Variants in INPPL1 observed in about 807,000 individuals in gnomAD.
INPPL1 encodes inositol polyphosphate phosphatase like 1.
INPPL1 carries 91 observed loss-of-function variants against 139.3 expected under a neutral mutation model. The ratio of observed to expected loss-of-function variants is 0.65; its 90% CI spans 0.55 to 0.78. INPPL1 has a LOEUF of 0.78. INPPL1 is among the 30% of genes least tolerant of loss of function. The pLI is 0.00. For synonymous variants in INPPL1, 719 were observed against 686.6 expected (o/e 1.05, Z -0.74); for missense variants, 1,411 against 1,665.6 (o/e 0.85, Z 2.66).
chr11:72,238,158 C>G lies in INPPL1; in HGVS notation c.3669C>G (p.Asp1223Glu), dbSNP rs781340193. 2.5e-6 allele frequency: 4 copies of G among 1,595,816 alleles called. No individual in the cohort carries two copies. Among genetic ancestry groups the G allele is most frequent in the East Asian group, 4.5e-5 (2 of 44,676 alleles). The change falls in exon 27 of 28, where the codon GAC becomes GAG. Residue 1223 changes from aspartate to glutamate, a missense_variant. Asp to Glu is a conservative substitution (Grantham distance 45). This residue lies in a region of INPPL1 where 438 missense variants were observed against 425.7 expected (regional missense o/e 1.03). Transcript: ENST00000298229. The part of the protein sequence containing the change: ...YEEGLVHNGW[D>E]DLEFLSDITE... ...AGGGCCTGGTGCATAATGGCTGGGA[C>G]GACCTGGAGTTTCTCAGGTGGGGGA... is the stretch of plus-strand genomic sequence containing the variant.
At position 72,238,189 on chromosome 11, in the gene INPPL1, T is replaced by C. The variant is rs70940822; in HGVS notation, c.3686+14T>C. On this transcript the variant is annotated intron_variant, in intron 27 of 27. Transcript: ENST00000298229. ...GGAGTTTCTCAGGTGGGGGAGGGGC[T>C]GGCCCCGGGGGCGGAGCTGGGGCCC... 1,130 of 1,609,958 alleles carry C rather than the reference T, an allele frequency of 7.0e-4. 17 individuals are homozygous for C. The East Asian group carries it at 0.023, about 33-fold the overall frequency.
At chr11:72,230,732 T>G (rs1591276151) in intron 10 of INPPL1, 64 bp from the exon 11 acceptor site, 2 of 1,362,464 alleles carry the variant, frequency 1.5e-6, no homozygotes, top group South Asian at 1.2e-5. Flanking sequence ...ACTGGCAGGG[T>G]ATCCCTGTGG....
In INPPL1 at chr11:72,229,594, T is replaced by C. The variant is rs776498366; in HGVS notation, c.753+36T>C. 2.7e-5 allele frequency: 43 copies of C among 1,612,740 alleles called. No homozygotes were observed. In the South Asian group the frequency reaches 4.3e-4, roughly 16 times the overall value. ...GGGAGACCTCTGGGAGGTGCGTTCGTGTTCTGGAGCTGGGTGGGAGGCTCT... is the reference window on the plus strand; with the variant it reads ...GGGAGACCTCTGGGAGGTGCGTTCGCGTTCTGGAGCTGGGTGGGAGGCTCT... On this transcript the variant is annotated intron_variant, in intron 6 of 27. Transcript: ENST00000298229.
rs995592556 is a variant in INPPL1, at chr11:72,231,442, G to A, written c.1498-56G>A. ...ACAAAAGTCTATTTATAGTGCAGGG[G>A]GAAATGCAGGCAGTGGGTGCAGCAG... is the stretch of plus-strand genomic sequence containing the variant. On this transcript the variant is annotated intron_variant, in intron 12 of 27. Transcript: ENST00000298229. 3 of 1,326,886 alleles carry A rather than the reference G, an allele frequency of 2.3e-6. No individual in the cohort carries two copies. In the East Asian group the frequency reaches 6.9e-5, roughly 30 times the overall value. The allele number at this position is 1,326,886 out of a possible 1,614,324, so 82.2% of individuals were successfully genotyped here. A position where few individuals can be genotyped will look rare whatever the true frequency, so the allele number is the denominator to read the frequency against.
In INPPL1 at chr11:72,231,198, G is replaced by A. The variant is rs1948825316; in HGVS notation, c.1497+9G>A. 1.2e-6 allele frequency: 2 copies of A among 1,605,852 alleles called. No homozygotes were observed. Among genetic ancestry groups the A allele is most frequent in the Admixed American group, 1.7e-5 (1 of 59,694 alleles). On this transcript the variant is annotated intron_variant, in intron 12 of 27. Transcript: ENST00000298229. Reference sequence around the variant, plus strand: ...ATCTGGATTACCGCCCGGTGAGGGGGGGTCATCTTGTCCAGGACCCTGTCC... The same window carrying A: ...ATCTGGATTACCGCCCGGTGAGGGGAGGTCATCTTGTCCAGGACCCTGTCC...
chr11:72,224,047 A>AC (rs1052944625), upstream of INPPL1: 1 of 149,814 alleles, frequency 6.7e-6, no homozygotes, highest in Non-Finnish European at 1.5e-5. Flanking sequence ...GGACTGCTGA[A>AC]CCCCCTCAAG....
intron 25 of INPPL1, among the ~76,000 whole-genome samples, chr11:72,236,210 T>G (rs906503640): frequency 6.6e-6 from 1 of 152,204 alleles, no homozygotes; most frequent in African/African-American, 2.4e-5. Context: ...AATTCTGCCT[T>G]TAAAAATGGA....
At chr11:72,229,640 A>G (rs1485999721) in intron 6 of INPPL1, 23 bp from the exon 7 acceptor site, 2 of 1,613,462 alleles carry the variant, frequency 1.2e-6, no homozygotes, top group African/African-American at 2.7e-5. Context: ...CTCATGTACA[A>G]GCCTGGTTCT....
rs758276469 is a variant in INPPL1, at chr11:72,230,252, C to T, written c.1071C>T (p.Thr357=). Residue 357 remains threonine (T), a synonymous_variant, in exon 9 of 28, where the codon ACC becomes ACT. Transcript: ENST00000298229. ...AGCGGGACTCCCAGGAGGACTGGACCACCTTCACGCACGACCGCAGTGAGC... is the reference window on the plus strand; with the variant it reads ...AGCGGGACTCCCAGGAGGACTGGACTACCTTCACGCACGACCGCAGTGAGC... ...RRQRDSQEDW[T]TFTHDRIRQL... The T allele has an allele frequency of 4.4e-6, 7 of 1,607,496 alleles. No individual in the cohort carries two copies. In the Admixed American group the frequency reaches 1.0e-4, roughly 23 times the overall value.
chr11:72,232,726 T>C lies in INPPL1; in HGVS notation c.1813T>C (p.Phe605Leu), dbSNP rs748823296. 2.5e-6 allele frequency: 4 copies of C among 1,613,658 alleles called. No individual in the cohort carries two copies. The highest frequency in any genetic ancestry group is 3.4e-6 in the Non-Finnish European group (4 of 1,179,968). ...TCTGCGTTTCACACACCTCTTCTGG[T>C]TTGGGGACCTCAACTACCGCCTGGA... ...ISLRFTHLFW[F>L]GDLNYRLDMD... Residue 605 changes from phenylalanine (F) to leucine (L), a missense_variant, in exon 15 of 28, where the codon TTT becomes CTT. Transcript: ENST00000298229.
At chr11:72,229,616 C>T (rs1948773770) in intron 6 of INPPL1, 47 bp from the exon 7 acceptor site, 1 of 1,611,078 alleles carries the variant, frequency 6.2e-7, no homozygotes, top group African/African-American at 1.3e-5. Context: ...GGGTGGGAGG[C>T]TCTGCTTAGG....
At chr11:72,225,400 T>C in intron 1 of INPPL1, 1 of 985,448 alleles carries the variant, frequency 1.0e-6, no homozygotes, top group Non-Finnish European at 1.2e-6. Flanking sequence ...TATGGGGTTC[T>C]GTGGCCCAGT....
chr11:72,235,042 C>A lies in INPPL1; in HGVS notation c.2416-74C>A. ...CCTGAGGGTGGGGATTGAGTGGTGT[C>A]AGGGGGCAGCGCGTAGGAGGGGCAG... On this transcript the variant is annotated intron_variant, in intron 21 of 27. Coordinates refer to ENST00000298229, the MANE Select transcript of INPPL1 (RefSeq NM_001567.4). The surrounding 1 kb of genome is among the most constrained non-coding windows in gnomAD (Gnocchi z 4.9). 1 of 1,236,098 alleles carries A rather than the reference C, an allele frequency of 8.1e-7. No homozygotes were observed. The highest frequency in any genetic ancestry group is 1.3e-5 in the South Asian group (1 of 76,310). 76.6% of individuals were successfully genotyped at this position (1,236,098 alleles called of 1,614,324 possible). A position where few individuals can be genotyped will look rare whatever the true frequency, so the allele number is the denominator to read the frequency against.
Position 72,238,013 on chromosome 11 carries a change from G to C in INPPL1, c.3553-29G>C, listed in dbSNP as rs1014287693. The C allele has an allele frequency of 2.0e-6, 3 of 1,516,740 alleles. No individual in the cohort carries two copies. The African/African-American group carries it at 4.2e-5, about 21-fold the overall frequency. 94.0% of individuals were successfully genotyped at this position (1,516,740 alleles called of 1,614,324 possible). ...CAGGTGTTTCTATGGGGGGCACTCAGCTCCCCCTGACATGCCCTGTTTCCT... is the reference window on the plus strand; with the variant it reads ...CAGGTGTTTCTATGGGGGGCACTCACCTCCCCCTGACATGCCCTGTTTCCT... On this transcript the variant is annotated intron_variant, in intron 26 of 27. Transcript: ENST00000298229.
At position 72,228,458 on chromosome 11, in the gene INPPL1, T is replaced by C. The variant is rs760937587; in HGVS notation, c.357T>C (p.Gly119=). The C allele has an allele frequency of 3.1e-6, 5 of 1,610,878 alleles. No individual in the cohort carries two copies. The East Asian group carries it at 1.1e-4, about 36-fold the overall frequency. The change falls in exon 3 of 28, where the codon GGT becomes GGC. Residue 119 remains glycine, a synonymous_variant. Coordinates refer to ENST00000298229, the MANE Select transcript of INPPL1 (RefSeq NM_001567.4). This position sits in a 1 kb window ranked among gnomAD's most constrained non-coding sequence, Gnocchi z 5.0. The part of the protein sequence containing the change: ...LVCALLLPVE[G]EREPDPPDDR... ...GCGCCCTGCTTCTTCCTGTAGAGGG[T>C]GAGCGAGAGCCGGACCCACCGGATG...
intron 25 of INPPL1, 47 bp downstream of exon 25, chr11:72,236,033 T>G: frequency 1.1e-6 from 1 of 938,962 alleles, no homozygotes; most frequent in Non-Finnish European, 1.6e-6. Context: ...CACCCACCTC[T>G]ATCCATCACT....
In INPPL1 at chr11:72,230,980, C is replaced by A; in HGVS notation, c.1301-13C>A. On this transcript the variant is annotated splice_polypyrimidine_tract_variant and intron_variant, in intron 11 of 27. Coordinates refer to ENST00000298229, the MANE Select transcript of INPPL1 (RefSeq NM_001567.4). ...TAACCCCTCCAGACCCACCTCACCC[C>A]CTTCACCTCCAGGAAGTGTACCACC... 1 of 1,612,384 alleles carries A rather than the reference C, an allele frequency of 6.2e-7. No homozygotes were observed. Among genetic ancestry groups the A allele is most frequent in the Non-Finnish European group, 8.5e-7 (1 of 1,178,860 alleles).
At position 72,237,223 on chromosome 11, in the gene INPPL1, G is replaced by C; in HGVS notation, c.2979G>C (p.Pro993=). Residue 993 remains proline (P), a synonymous_variant, in exon 26 of 28, where the codon CCG becomes CCC. Transcript: ENST00000298229. ...NPAYYVLEGV[P]HQLLPPEPPS... The stretch of plus-strand genomic sequence containing the variant: ...CCTACTACGTCCTTGAAGGGGTCCC[G>C]CACCAGCTGCTGCCCCCGGAGCCAC... 1 of 1,613,898 alleles carries C rather than the reference G, an allele frequency of 6.2e-7. No individual in the cohort carries two copies. Among genetic ancestry groups the C allele is most frequent in the Non-Finnish European group, 8.5e-7 (1 of 1,179,994 alleles).
Position 72,224,894 on chromosome 11 carries a change from C to A in INPPL1, c.-91C>A. The A allele has an allele frequency of 1.1e-6, 1 of 908,864 alleles. No homozygotes were observed. The highest frequency in any genetic ancestry group is 1.3e-6 in the Non-Finnish European group (1 of 750,520). The allele number at this position is 908,864 out of a possible 1,614,324, so 56.3% of individuals were successfully genotyped here. A position where few individuals can be genotyped will look rare whatever the true frequency, so the allele number is the denominator to read the frequency against. On this transcript the variant is annotated 5_prime_UTR_variant, in exon 1 of 28. Transcript: ENST00000298229. ...CGGCCCACGGATCCTCAAGCCCGGG[C>A]CCCGGGCCCGGCCCCAGCCTCAGCC...
Sources: allele counts gnomAD v4.1 joint callset (sites outside exome capture counted in the v4.1 genomes callset), GRCh38; gene constraint gnomAD v4.1.1; regional missense constraint gnomAD v4.1.1; non-coding constraint Gnocchi (gnomAD v3.1); transcripts MANE v1.5; gene names NCBI Gene and HGNC (gene_info 2026-07-23, HGNC 2026-07-21).